Variants in MFSD8 observed in about 807,000 individuals in gnomAD.
MFSD8 encodes the protein major facilitator superfamily domain-containing protein 8.
A neutral mutation model predicts 66.4 loss-of-function variants in MFSD8; 55 were observed. That is an observed-to-expected ratio of 0.83 (90% CI 0.67 to 1.04). The LOEUF is 1.04. Ranked by LOEUF, MFSD8 falls within the 50% of genes least tolerant of loss-of-function variation. The pLI, the probability that MFSD8 is intolerant of heterozygous loss-of-function variation, is 0.00. For missense variants in MFSD8, 550 were observed against 627.6 expected, an observed-to-expected ratio of 0.88 and a Z score of 1.32; for synonymous variants, 202 against 212.8, an observed-to-expected ratio of 0.95 and a Z score of 0.44.
intron 1 of MFSD8, among the ~76,000 whole-genome samples, chr4:127,960,315 A>C (rs1410824094): frequency 6.6e-6 from 1 of 152,190 alleles, no homozygotes; most frequent in African/African-American, 2.4e-5. Flanking sequence ...AGACTGCTTG[A>C]GGTCAGGAGT....
intron 2 of MFSD8, among the ~76,000 whole-genome samples, chr4:127,951,337 C>T (rs1047637726): frequency 6.6e-6 from 1 of 152,086 alleles, no homozygotes. Context: ...TCAAGCGATT[C>T]TCCTGCCTCA....
At chr4:127,931,883 C>G (rs1045164483) in intron 8 of MFSD8, among the ~76,000 whole-genome samples, 1 of 152,074 alleles carries the variant, frequency 6.6e-6, no homozygotes, top group Non-Finnish European at 1.5e-5. Flanking sequence ...CCAAGGTGAG[C>G]AAATCACTTG....
chr4:127,944,060 C>A, intron 3 of MFSD8, 68 bp from the exon 4 acceptor site: 2 of 1,596,970 alleles, frequency 1.3e-6, no homozygotes, highest in South Asian at 2.2e-5. Flanking sequence ...ATACATTTGT[C>A]ATACCATGTA....
At position 127,939,953 on chromosome 4, in the gene MFSD8, A is replaced by G. The variant is rs2148907604; in HGVS notation, c.598T>C (p.Trp200Arg). 1.1e-5 allele frequency: 17 copies of G among 1,613,650 alleles called. No individual in the cohort carries two copies. Among genetic ancestry groups the G allele is most frequent in the Admixed American group, 3.3e-5 (2 of 60,020 alleles). ...FTFLGEKGVT[W>R]DVIKLQINMY... ...TTTATCTGCAGTTTAATCACATCCC[A>G]TGTCACACCTTTTTCTCCAAGGAAT... The change falls in exon 6 of 12, where the codon TGG (tryptophan) becomes CGG (arginine). Residue 200 changes from tryptophan (W) to arginine (R), a missense_variant. Coordinates refer to ENST00000641686, the MANE Select transcript of MFSD8 (RefSeq NM_001371596.2).
intron 11 of MFSD8, chr4:127,921,250 A>T (rs1435464435): frequency 1.3e-5 from 8 of 607,984 alleles, no homozygotes; most frequent in Non-Finnish European, 2.0e-5. Flanking sequence ...TAACTTGTTC[A>T]AGAGGTTTGA....
At chr4:127,926,027 T>C (rs1318443595) in intron 9 of MFSD8, among the ~76,000 whole-genome samples, 33 of 150,862 alleles carry the variant, frequency 2.2e-4, no homozygotes. Context: ...TAAGTGGGAG[T>C]TGAACAAAGA....
chr4:127,955,625 T>C (rs888024219), intron 2 of MFSD8, among the ~76,000 whole-genome samples: 1 of 152,090 alleles, frequency 6.6e-6, no homozygotes, highest in East Asian at 1.9e-4. Context: ...CCATATTAAT[T>C]ATCTCAAACT....
intron 3 of MFSD8, among the ~76,000 whole-genome samples, chr4:127,948,378 A>G (rs1430189936): frequency 6.6e-6 from 1 of 152,086 alleles, no homozygotes; most frequent in Non-Finnish European, 1.5e-5. Flanking sequence ...GTAATGCAAG[A>G]CCCCAAAATT....
chr4:127,938,452 A>G (rs1029964135), intron 7 of MFSD8, among the ~76,000 whole-genome samples: 2 of 151,884 alleles, frequency 1.3e-5, no homozygotes, highest in African/African-American at 4.8e-5. Context: ...GCGTGGCGGC[A>G]TGCGCCTGTA....
rs1741770928 is a variant in MFSD8 at position 127,950,613 on chromosome 4, C to T, written c.155-766G>A. 2.0e-5 allele frequency among the ~76,000 whole-genome samples: 3 copies of T among 151,338 alleles called. No individual in the cohort carries two copies. The South Asian group carries it at 6.3e-4, about 32-fold the overall frequency. ...GCTGAGGTAGAAGAATTGCTTGAAC[C>T]CAGGAGGCGGAGTAGGTTGTAGTGA... is the stretch of plus-strand genomic sequence containing the variant. On this transcript the variant is annotated intron_variant, in intron 2 of 11. Transcript: ENST00000641686.
At chr4:127,939,632 ACTTTG>A (rs2148906253) in intron 6 of MFSD8, 5 of 220,086 alleles carry the variant, frequency 2.3e-5, no homozygotes, top group Non-Finnish European at 3.4e-5. Context: ...AAAAAAAAAA[ACTTTG>A]AATCTTCAAA....
intron 2 of MFSD8, among the ~76,000 whole-genome samples, chr4:127,952,394 ACT>A (rs1742144274): frequency 6.6e-6 from 1 of 151,852 alleles, no homozygotes; most frequent in Non-Finnish European, 1.5e-5. Context: ...ACAGAGCAAG[ACT>A]CTGTCTCAAA....
At chr4:127,927,062 A>C (rs1737322693) in intron 9 of MFSD8, among the ~76,000 whole-genome samples, 1 of 152,224 alleles carries the variant, frequency 6.6e-6, no homozygotes, top group Non-Finnish European at 1.5e-5. Flanking sequence ...TTATTATAAA[A>C]TACGCTTTGT....
chr4:127,938,877 C>T, intron 6 of MFSD8, 39 bp from the exon 7 acceptor site: 1 of 1,481,464 alleles, frequency 6.8e-7, no homozygotes, highest in East Asian at 2.3e-5. Context: ...CTATAAAATG[C>T]TTAATAGAGA....
chr4:127,921,458 A>G, intron 11 of MFSD8, 66 bp downstream of exon 11: 1 of 1,611,020 alleles, frequency 6.2e-7, no homozygotes, highest in Non-Finnish European at 8.5e-7. Flanking sequence ...AGAGAATGGC[A>G]GCAAAAAATG....
chr4:127,951,843 C>T (rs983453586), intron 2 of MFSD8, among the ~76,000 whole-genome samples: 1 of 150,656 alleles, frequency 6.6e-6, no homozygotes, highest in African/African-American at 2.5e-5. Flanking sequence ...ATTCTCACAC[C>T]TCAGTCTCCA....
chr4:127,930,960 T>C, intron 8 of MFSD8, 143 bp from the exon 9 acceptor site: 5 of 740,658 alleles, frequency 6.8e-6, no homozygotes, highest in Non-Finnish European at 1.0e-5. Flanking sequence ...AAGCAAAAGT[T>C]TGAACACATT....
chr4:127,935,327 G>T (rs770859636), intron 7 of MFSD8, among the ~76,000 whole-genome samples: 2 of 152,100 alleles, frequency 1.3e-5, no homozygotes, highest in East Asian at 3.8e-4. Flanking sequence ...CATAATATGT[G>T]GTTAGTTTCC....
chr4:127,939,623 A>C (rs1164496656), intron 6 of MFSD8: 11 of 323,160 alleles, frequency 3.4e-5, no homozygotes, highest in South Asian at 2.0e-4. Context: ...AAAAAAAAAA[A>C]AAAAAAAAAC....
Sources: allele counts gnomAD v4.1 joint callset (sites outside exome capture counted in the v4.1 genomes callset), GRCh38; gene constraint gnomAD v4.1.1; transcripts MANE v1.5; gene names NCBI Gene and HGNC (gene_info 2026-07-23, HGNC 2026-07-21).